Variants in MYMX observed in about 807,000 individuals in gnomAD.
MYMX encodes the protein protein myomixer.
chr6:44,198,708 GA>G, the MYMX span, among the ~76,000 whole-genome samples: 2,221 of 149,122 alleles, frequency 0.015, 44 homozygotes, highest in African/African-American at 0.053. Flanking sequence ...AATGCCACCA[GA>G]ATTTTTTTTT....
chr6:44,195,210 G>A, the MYMX span, among the ~76,000 whole-genome samples: 15 of 152,012 alleles, frequency 9.9e-5, no homozygotes, highest in Non-Finnish European at 1.6e-4. Context: ...GTAGAGATGG[G>A]GTTTTGCCAT....
At chr6:44,195,146 G>A in the MYMX span, among the ~76,000 whole-genome samples, 1 of 151,960 alleles carries the variant, frequency 6.6e-6, no homozygotes, top group African/African-American at 2.4e-5. Flanking sequence ...AGCCTCCCGA[G>A]TAGCTGGGAT....
At chr6:44,207,453 T>C in the MYMX span, among the ~76,000 whole-genome samples, 1 of 151,694 alleles carries the variant, frequency 6.6e-6, no homozygotes, top group Non-Finnish European at 1.5e-5. Context: ...TTGCTTTCTT[T>C]GGCTGTCTCT....
At chr6:44,205,496 CAAAT>C in the MYMX span, among the ~76,000 whole-genome samples, 1 of 151,296 alleles carries the variant, frequency 6.6e-6, no homozygotes, top group Non-Finnish European at 1.5e-5. Flanking sequence ...CTATCTCTAC[CAAAT>C]AAATAAATAA....
chr6:44,200,626 A>T, the MYMX span, among the ~76,000 whole-genome samples: 1 of 151,964 alleles, frequency 6.6e-6, no homozygotes, highest in East Asian at 1.9e-4. Context: ...TCAGGTTTTT[A>T]TTAGATTTTT....
In MYMX at chr6:44,217,983, A is replaced by G. The variant is rs1278894691; in HGVS notation, c.*257A>G. 8.9e-6 allele frequency: 3 copies of G among 338,432 alleles called. No individual in the cohort carries two copies. The highest frequency in any genetic ancestry group is 6.4e-5 in the African/African-American group (3 of 47,196). 21.0% of individuals were successfully genotyped at this position (338,432 alleles called of 1,614,324 possible). ...TTCCTCCCAAAGACCACTCCTAATC[A>G]CCTCTGGCCTCAGGCGGGAGGGGAA... On this transcript the variant is annotated 3_prime_UTR_variant, in exon 2 of 2. Coordinates refer to ENST00000573382, the MANE Select transcript of MYMX (RefSeq NM_001315494.2).
At chr6:44,210,911 G>T in the MYMX span, among the ~76,000 whole-genome samples, 3 of 152,098 alleles carry the variant, frequency 2.0e-5, no homozygotes, top group Non-Finnish European at 4.4e-5. Flanking sequence ...GGAAGATCAC[G>T]TGAGGCCAGG....
chr6:44,213,386 GAATAA>G (rs1315707408), upstream of MYMX, among the ~76,000 whole-genome samples: 6 of 142,804 alleles, frequency 4.2e-5, no homozygotes, highest in Admixed American at 1.3e-4. Context: ...GAAAAGAAAA[GAATAA>G]AATAAAATAA....
chr6:44,207,323 T>C, the MYMX span, among the ~76,000 whole-genome samples: 4 of 152,166 alleles, frequency 2.6e-5, no homozygotes, highest in African/African-American at 9.6e-5. Flanking sequence ...GTATTTTTAG[T>C]AGAGATGGGG....
At chr6:44,207,417 G>T in the MYMX span, among the ~76,000 whole-genome samples, 2 of 152,200 alleles carry the variant, frequency 1.3e-5, no homozygotes, top group Non-Finnish European at 2.9e-5. Flanking sequence ...GGGATTACAG[G>T]CATGAGCCAC....
the MYMX span, among the ~76,000 whole-genome samples, chr6:44,211,023 G>A: frequency 6.6e-6 from 1 of 152,330 alleles, no homozygotes; most frequent in East Asian, 1.9e-4. Flanking sequence ...GTCAAGGTGG[G>A]AGGATCACTT....
At chr6:44,200,414 A>T in the MYMX span, among the ~76,000 whole-genome samples, 2 of 152,020 alleles carry the variant, frequency 1.3e-5, no homozygotes, top group Admixed American at 1.3e-4. Flanking sequence ...TCCCGGGTTC[A>T]AGCAATTCTC....
At chr6:44,211,785 G>GTTTT in the MYMX span, among the ~76,000 whole-genome samples, 12 of 40,736 alleles carry the variant, frequency 2.9e-4, no homozygotes, top group African/African-American at 9.0e-4. Context: ...GTCCAGCTAG[G>GTTTT]TTTTGTGTGT....
At chr6:44,209,392 G>GA in the MYMX span, among the ~76,000 whole-genome samples, 1 of 152,172 alleles carries the variant, frequency 6.6e-6, no homozygotes, top group Non-Finnish European at 1.5e-5. Flanking sequence ...AAAGTGCTGG[G>GA]ATTGCAGGCA....
the MYMX span, among the ~76,000 whole-genome samples, chr6:44,197,527 C>T: frequency 6.6e-6 from 1 of 152,092 alleles, no homozygotes; most frequent in East Asian, 1.9e-4. Context: ...AGTGAGACTC[C>T]GTCTCAAAAA....
At chr6:44,206,905 G>A in the MYMX span, among the ~76,000 whole-genome samples, 56 of 152,246 alleles carry the variant, frequency 3.7e-4, no homozygotes, top group Non-Finnish European at 7.8e-4. Context: ...TATTCTCTCC[G>A]TGTGGCCTTG....
At chr6:44,195,159 C>G in the MYMX span, among the ~76,000 whole-genome samples, 1 of 152,082 alleles carries the variant, frequency 6.6e-6, no homozygotes, top group African/African-American at 2.4e-5. Context: ...GCTGGGATTA[C>G]AGGTGCGCAC....
chr6:44,205,288 G>A, the MYMX span, among the ~76,000 whole-genome samples: 1 of 151,956 alleles, frequency 6.6e-6, no homozygotes, highest in Non-Finnish European at 1.5e-5. Context: ...GTCAGGGTAT[G>A]AAGTTAATCA....
At chr6:44,214,130 CAGCTCATGTTTTATA>C, upstream of MYMX, among the ~76,000 whole-genome samples, 1 of 152,146 alleles carries the variant, frequency 6.6e-6, no homozygotes, top group Non-Finnish European at 1.5e-5. Context: ...GGATCAGATT[CAGCTCATGTTTTATA>C]AGCATCATTC....
Sources: allele counts gnomAD v4.1 joint callset (sites outside exome capture counted in the v4.1 genomes callset), GRCh38; gene constraint gnomAD v4.1.1; transcripts MANE v1.5; gene names NCBI Gene and HGNC (gene_info 2026-07-23, HGNC 2026-07-21).